P2RX3: variants seen among roughly 807,000 people sequenced by gnomAD.
P2RX3 encodes the protein P2X purinoceptor 3.
Under a neutral mutation model 51.5 loss-of-function variants are expected in P2RX3, and 41 were observed. The ratio of observed to expected loss-of-function variants is 0.80; its 90% CI spans 0.62 to 1.03. The LOEUF (loss-of-function observed/expected upper bound fraction) is 1.03, where lower values mean the gene tolerates loss of function less well. Ranked by LOEUF, P2RX3 falls within the 50% of genes least tolerant of loss-of-function variation. The pLI is 0.00. For missense variants in P2RX3, 459 were observed against 522.1 expected (o/e 0.88, Z 1.18); for synonymous variants, 185 against 191.6 (o/e 0.97, Z 0.29).
At chr11:57,368,634 G>A (rs755681822) in intron 10 of P2RX3, among the ~76,000 whole-genome samples, 197 bp downstream of exon 10, 5 of 152,186 alleles carry the variant, frequency 3.3e-5, no homozygotes, top group Non-Finnish European at 7.4e-5. Context: ...TCCAGTCATG[G>A]AGAGCTCATT....
intron 8 of P2RX3, among the ~76,000 whole-genome samples, chr11:57,362,699 T>C (rs1319824162): frequency 1.3e-5 from 2 of 152,244 alleles, no homozygotes; most frequent in Non-Finnish European, 2.9e-5. Flanking sequence ...CCAGCTTCAC[T>C]CACTGTTGGT....
chr11:57,366,872 A>G (rs1856805295), intron 8 of P2RX3, among the ~76,000 whole-genome samples: 1 of 152,068 alleles, frequency 6.6e-6, no homozygotes. Context: ...CCATTAATCC[A>G]TTAATCCATG....
intron 1 of P2RX3, among the ~76,000 whole-genome samples, chr11:57,345,915 A>G (rs1358786810): frequency 7.4e-6 from 1 of 134,970 alleles, no homozygotes; most frequent in East Asian, 2.6e-4. Flanking sequence ...CCTGCCAGGT[A>G]AAAGCTCAGC....
chr11:57,347,351 G>A (rs1385837969), intron 3 of P2RX3, 64 bp from the exon 4 acceptor site: 72 of 1,532,576 alleles, frequency 4.7e-5, no homozygotes, highest in Non-Finnish European at 6.2e-5. Context: ...GAGGTCGAGG[G>A]AGTCGCGGAG....
chr11:57,337,368 A>G (rs1006353958), upstream of P2RX3, among the ~76,000 whole-genome samples: 14 of 148,808 alleles, frequency 9.4e-5, no homozygotes, highest in Non-Finnish European at 8.9e-5. Flanking sequence ...AAAAAAACAG[A>G]AAAAAAAACC....
chr11:57,372,268 A>C lies in P2RX3; in HGVS notation c.*2271A>C, dbSNP rs1015129006. On this transcript the variant is annotated 3_prime_UTR_variant, in exon 12 of 12. Transcript: ENST00000263314. ...CATTGCCTCTTTAATCATTCAACAT[A>C]AAAGCCAACACTGATTACTTACTAT... Among the ~76,000 whole-genome samples, 1 of 152,232 alleles carries C rather than the reference A, an allele frequency of 6.6e-6. No homozygotes were observed. Among genetic ancestry groups the C allele is most frequent in the Non-Finnish European group, 1.5e-5 (1 of 68,046 alleles).
rs1215896300 is a variant in P2RX3, at chr11:57,371,276, A to G, written c.*1279A>G. On this transcript the variant is annotated 3_prime_UTR_variant, in exon 12 of 12. Coordinates refer to ENST00000263314, the MANE Select transcript of P2RX3 (RefSeq NM_002559.5). Reference sequence around the variant, plus strand: ...CAGGGCAGGGCTCTGGGGCAGAACCAGGTTTTGTGAATCCTAAGCATATAC... The same window carrying G: ...CAGGGCAGGGCTCTGGGGCAGAACCGGGTTTTGTGAATCCTAAGCATATAC... 6.6e-6 allele frequency among the ~76,000 whole-genome samples: 1 copy of G among 152,230 alleles called. No homozygotes were observed. The highest frequency in any genetic ancestry group is 2.4e-5 in the African/African-American group (1 of 41,460).
intron 7 of P2RX3, 136 bp downstream of exon 7, chr11:57,350,034 C>T (rs1856515926): frequency 4.4e-6 from 6 of 1,360,344 alleles, no homozygotes; most frequent in Non-Finnish European, 6.0e-6. Context: ...CCCAGGCCGC[C>T]ACTGGCTTTG....
At chr11:57,358,054 G>T (rs1220764044) in intron 8 of P2RX3, among the ~76,000 whole-genome samples, 1 of 152,176 alleles carries the variant, frequency 6.6e-6, no homozygotes, top group Non-Finnish European at 1.5e-5. Flanking sequence ...TGAGAGGATG[G>T]ATCATTTCTA....
chr11:57,337,317 AAAAG>A, upstream of P2RX3, among the ~76,000 whole-genome samples: 1 of 65,218 alleles, frequency 1.5e-5, no homozygotes, highest in East Asian at 4.4e-4. Context: ...GAAAGAAAGA[AAAAG>A]AAAAAAAAAA....
chr11:57,352,403 T>A (rs1856562565), intron 8 of P2RX3, among the ~76,000 whole-genome samples: 1 of 152,216 alleles, frequency 6.6e-6, no homozygotes, highest in Non-Finnish European at 1.5e-5. Flanking sequence ...ATTGGCATAT[T>A]TATTCAGTTG....
intron 8 of P2RX3, among the ~76,000 whole-genome samples, chr11:57,354,065 A>G (rs1856590800): frequency 6.6e-6 from 1 of 152,082 alleles, no homozygotes; most frequent in African/African-American, 2.4e-5. Context: ...GACCCATGTA[A>G]GAGATTACAG....
rs770683819 is a variant in P2RX3, at chr11:57,338,569, T to C, written c.19T>C (p.Phe7Leu). Residue 7 changes from phenylalanine (F) to leucine (L), a missense_variant, in exon 1 of 12, where the codon TTC (phenylalanine) becomes CTC (leucine). Coordinates refer to ENST00000263314, the MANE Select transcript of P2RX3 (RefSeq NM_002559.5). ...TCTCAGCATGAACTGCATATCCGACTTCTTCACCTATGAGACCACCAAGTC... is the reference window on the plus strand; with the variant it reads ...TCTCAGCATGAACTGCATATCCGACCTCTTCACCTATGAGACCACCAAGTC... Reference protein sequence around the residue: MNCISDFFTYETTKSVV... With the variant: MNCISDLFTYETTKSVV... 10 of 1,589,624 alleles carry C rather than the reference T, an allele frequency of 6.3e-6. No individual in the cohort carries two copies. In the South Asian group the frequency reaches 1.0e-4, roughly 16 times the overall value.
At chr11:57,357,692 G>A (rs1856652146) in intron 8 of P2RX3, among the ~76,000 whole-genome samples, 1 of 152,210 alleles carries the variant, frequency 6.6e-6, no homozygotes, top group Admixed American at 6.5e-5. Flanking sequence ...TGCCTTTGAG[G>A]TTGATTTGGT....
intron 1 of P2RX3, among the ~76,000 whole-genome samples, chr11:57,345,937 G>A (rs1349640399): frequency 2.5e-5 from 3 of 122,302 alleles, no homozygotes; most frequent in Admixed American, 1.1e-4. Flanking sequence ...GCTGTCCCCC[G>A]CTTCCTCCTC....
chr11:57,340,980 G>T (rs1856328983), intron 1 of P2RX3, among the ~76,000 whole-genome samples: 1 of 152,204 alleles, frequency 6.6e-6, no homozygotes, highest in Admixed American at 6.5e-5. Context: ...GGTGTACGGT[G>T]GATGGGAACA....
At chr11:57,350,296 C>CT (rs1183553337) in intron 7 of P2RX3, 1,883 of 108,710 alleles carry the variant, frequency 0.017, 72 homozygotes, top group African/African-American at 0.043. Context: ...GAGCCACAAC[C>CT]TTTTTTTTTT....
At chr11:57,369,213 C>G (rs148969339) in intron 10 of P2RX3, 148 bp from the exon 11 acceptor site, 45 of 691,552 alleles carry the variant, frequency 6.5e-5, no homozygotes, top group African/African-American at 5.0e-4. Context: ...AACCATAGCA[C>G]TATCCCAAAA....
chr11:57,347,530 T>C (rs1256506485), intron 4 of P2RX3, 52 bp downstream of exon 4: 8 of 1,533,614 alleles, frequency 5.2e-6, no homozygotes, highest in African/African-American at 2.7e-5. Context: ...GTGGGACCCA[T>C]GGGGGAGAGC....
Sources: allele counts gnomAD v4.1 joint callset (sites outside exome capture counted in the v4.1 genomes callset), GRCh38; gene constraint gnomAD v4.1.1; transcripts MANE v1.5; gene names NCBI Gene and HGNC (gene_info 2026-07-23, HGNC 2026-07-21).